The following ADAM18 variants were observed in gnomAD, a reference collection of about 807,000 sequenced individuals.
ADAM18 encodes the protein disintegrin and metalloproteinase domain-containing protein 18.
In ADAM18, 117 loss-of-function variants were observed where a neutral mutation model predicts 94.4. The observed-to-expected ratio is 1.24, with a 90% confidence interval of 1.07 to 1.45. ADAM18 has a LOEUF of 1.45. Ranked by LOEUF, ADAM18 falls within the 40% of genes most tolerant of loss-of-function variation. The pLI, the probability that ADAM18 is intolerant of heterozygous loss-of-function variation, is 0.00. For missense variants in ADAM18, 936 were observed against 880.0 expected (o/e 1.06, Z -0.81); for synonymous variants, 327 against 291.6 (o/e 1.12, Z -1.24).
At position 39,609,504 on chromosome 8, in the gene ADAM18, G is replaced by T; in HGVS notation, c.287G>T (p.Gly96Val). The T allele has an allele frequency of 6.2e-7, 1 of 1,611,194 alleles. No homozygotes were observed. The highest frequency in any genetic ancestry group is 8.5e-7 in the Non-Finnish European group (1 of 1,178,264). ...TTTCAGATGCATTGCCATTACCAAG[G>T]ATATGCTGCCGAATTTCCAAATTCA... ...PYFMMHCHYQ[G>V]YAAEFPNSFV... Residue 96 changes from glycine to valine, a missense_variant, in exon 5 of 20, where the codon GGA (glycine) becomes GTA (valine). Gly to Val is a moderately radical substitution (Grantham distance 109). Coordinates refer to ENST00000265707, the MANE Select transcript of ADAM18 (RefSeq NM_014237.3).
chr8:39,598,157 G>A (rs1288618332), intron 2 of ADAM18, among the ~76,000 whole-genome samples: 1 of 152,014 alleles, frequency 6.6e-6, no homozygotes, highest in Non-Finnish European at 1.5e-5. Flanking sequence ...TTTGGTTCCA[G>A]AAGGTTTTTT....
chr8:39,639,492 C>T (rs3852339), intron 10 of ADAM18, among the ~76,000 whole-genome samples: 83,340 of 151,766 alleles, frequency 0.55, 24,204 homozygotes, highest in Non-Finnish European at 0.65. Context: ...CCTGACTCTT[C>T]AAATGTGAGT....
chr8:39,679,384 CTT>C (rs1821381060), intron 15 of ADAM18, among the ~76,000 whole-genome samples: 2 of 152,178 alleles, frequency 1.3e-5, no homozygotes, highest in Non-Finnish European at 2.9e-5. Context: ...TAGAAATACT[CTT>C]AGCCTCATAG....
intron 19 of ADAM18, among the ~76,000 whole-genome samples, chr8:39,728,614 C>T (rs980164346): frequency 5.3e-5 from 8 of 151,868 alleles, no homozygotes; most frequent in Non-Finnish European, 8.8e-5. Flanking sequence ...TATATCACAA[C>T]GAAAAGCACA....
chr8:39,631,301 ATATCAT>A (rs1324222650), intron 7 of ADAM18, among the ~76,000 whole-genome samples: 2 of 151,826 alleles, frequency 1.3e-5, no homozygotes, highest in Non-Finnish European at 2.9e-5. Context: ...ACTTTCTTCC[ATATCAT>A]TTTATGTATT....
At chr8:39,589,830 A>G (rs1818520213) in intron 2 of ADAM18, among the ~76,000 whole-genome samples, 1 of 152,156 alleles carries the variant, frequency 6.6e-6, no homozygotes, top group East Asian at 1.9e-4. Flanking sequence ...ATACACATGA[A>G]AAAATGCTCA....
chr8:39,595,680 C>T (rs562731309), intron 2 of ADAM18, among the ~76,000 whole-genome samples: 37 of 152,040 alleles, frequency 2.4e-4, no homozygotes, highest in African/African-American at 8.0e-4. Flanking sequence ...CACCACCATA[C>T]CTGGCTAATT....
intron 6 of ADAM18, among the ~76,000 whole-genome samples, chr8:39,623,570 A>G (rs549707568): frequency 6.6e-6 from 1 of 151,102 alleles, no homozygotes; most frequent in South Asian, 2.1e-4. Context: ...GTATCTCATT[A>G]TAATTTTTTG....
intron 13 of ADAM18, 47 bp from the exon 14 acceptor site, chr8:39,667,951 G>A: frequency 6.4e-7 from 1 of 1,564,376 alleles, no homozygotes; most frequent in Non-Finnish European, 8.8e-7. Flanking sequence ...AAGCAATTGA[G>A]AAAAATGATT....
chr8:39,669,707 T>C (rs1373504559), intron 14 of ADAM18, among the ~76,000 whole-genome samples: 3 of 152,112 alleles, frequency 2.0e-5, no homozygotes, highest in African/African-American at 4.8e-5. Flanking sequence ...CTTAATCCAG[T>C]CCATCATTGT....
chr8:39,723,654 A>C (rs1304658196), intron 18 of ADAM18, 94 bp from the exon 19 acceptor site: 2 of 906,604 alleles, frequency 2.2e-6, no homozygotes, highest in Non-Finnish European at 3.0e-6. Flanking sequence ...TTAAAACTTC[A>C]TTATATATAC....
At chr8:39,716,421 G>A (rs957896257) in intron 18 of ADAM18, among the ~76,000 whole-genome samples, 2 of 151,794 alleles carry the variant, frequency 1.3e-5, no homozygotes, top group Non-Finnish European at 2.9e-5. Flanking sequence ...TTGTCTTGAG[G>A]TATTTGTTTC....
rs141209362 is a variant in ADAM18, at chr8:39,706,465, A to T, written c.1903-325A>T. On this transcript the variant is annotated intron_variant, in intron 17 of 19. Transcript: ENST00000265707. ...GAATGTTTCCAAATTACTAAATAAC[A>T]GTCATTTAAAAAATTTAACCTCTCT... 5.3e-3 allele frequency among the ~76,000 whole-genome samples: 810 copies of T among 152,292 alleles called. 11 individuals are homozygous for T. The highest frequency in any genetic ancestry group is 0.019 in the African/African-American group (773 of 41,582).
chr8:39,654,800 G>T (rs1820641467), intron 12 of ADAM18, among the ~76,000 whole-genome samples: 1 of 152,048 alleles, frequency 6.6e-6, no homozygotes, highest in South Asian at 2.1e-4. Flanking sequence ...GATAACTGAT[G>T]AATGTTTTCT....
At chr8:39,659,841 G>A (rs1211355886) in intron 12 of ADAM18, among the ~76,000 whole-genome samples, 2 of 151,884 alleles carry the variant, frequency 1.3e-5, no homozygotes, top group African/African-American at 4.8e-5. Context: ...AATAATTATA[G>A]ATACCAAAAA....
At chr8:39,611,364 G>T in intron 6 of ADAM18, 5 of 878,278 alleles carry the variant, frequency 5.7e-6, no homozygotes, top group Non-Finnish European at 6.8e-6. Context: ...GGAGCTCAAA[G>T]CACTTCTTGG....
intron 18 of ADAM18, among the ~76,000 whole-genome samples, chr8:39,707,664 T>G (rs1488314522): frequency 2.6e-5 from 4 of 152,190 alleles, no homozygotes; most frequent in African/African-American, 9.6e-5. Flanking sequence ...GTATGTATAT[T>G]TTGTATGTAT....
chr8:39,636,869 G>C (rs921718498), intron 7 of ADAM18, among the ~76,000 whole-genome samples: 6 of 151,342 alleles, frequency 4.0e-5, no homozygotes, highest in African/African-American at 1.5e-4. Context: ...GTTTTGTTTA[G>C]ATACCACATA....
intron 7 of ADAM18, among the ~76,000 whole-genome samples, chr8:39,633,212 C>G (rs1401203830): frequency 6.6e-6 from 1 of 152,146 alleles, no homozygotes; most frequent in African/African-American, 2.4e-5. Flanking sequence ...CATAGCAGCA[C>G]AAATGGACCA....
Sources: gnomAD v4.1 joint callset for allele counts (sites outside exome capture counted in the v4.1 genomes callset) on GRCh38, gnomAD v4.1.1 for gene constraint, MANE v1.5 for transcripts, NCBI Gene and HGNC (gene_info 2026-07-23, HGNC 2026-07-21) for gene names.